Variants in CERS6 observed in about 807,000 individuals in gnomAD.
CERS6 encodes LAG1 homolog, ceramide synthase 6.
CERS6 carries 26 observed loss-of-function variants against 56.8 expected under a neutral mutation model. The observed-to-expected ratio is 0.46, with a 90% CI of 0.34 to 0.63. The LOEUF (loss-of-function observed/expected upper bound fraction) is 0.63, where lower values mean the gene tolerates loss of function less well. CERS6 is among the 30% of genes least tolerant of loss of function. The pLI, the probability that CERS6 is intolerant of heterozygous loss-of-function variation, is 0.01. For synonymous variants in CERS6, 164 were observed against 173.3 expected, an observed-to-expected ratio of 0.95 and a Z score of 0.42; for missense variants, 415 against 467.5, an observed-to-expected ratio of 0.89 and a Z score of 1.04.
rs183627804 is a variant in CERS6, at chr2:168,590,452, C to G, written c.407+29130C>G. On this transcript the variant is annotated intron_variant, in intron 3 of 9. Coordinates refer to ENST00000305747, the MANE Select transcript of CERS6 (RefSeq NM_203463.3). ...TTATAAATATACATTGTGGGTAATT[C>G]TAGTGTATGTCAGGGACATGATATT... Among the ~76,000 whole-genome samples, 21 of 152,196 alleles carry G rather than the reference C, an allele frequency of 1.4e-4. No homozygotes were observed. In the East Asian group the frequency reaches 3.9e-3, roughly 28 times the overall value.
At chr2:168,733,711 A>G (rs4668101) in intron 8 of CERS6, among the ~76,000 whole-genome samples, 141,802 of 152,264 alleles carry the variant, frequency 0.93, 66,108 homozygotes, top group East Asian at 0.99. Context: ...TTTTCCAGTC[A>G]TAACAAAAGC....
intron 9 of CERS6, chr2:168,766,406 C>T: frequency 7.1e-7 from 1 of 1,413,826 alleles, no homozygotes; most frequent in South Asian, 1.1e-5. Flanking sequence ...GTTGGAGGGG[C>T]ACTCAGATGC....
chr2:168,504,392 A>T (rs1574028749), intron 1 of CERS6, among the ~76,000 whole-genome samples: 1 of 152,110 alleles, frequency 6.6e-6, no homozygotes, highest in South Asian at 2.1e-4. Context: ...AAAGGAAATC[A>T]TCAATGCATT....
chr2:168,476,217 T>G (rs1694066205), intron 1 of CERS6, among the ~76,000 whole-genome samples: 1 of 152,088 alleles, frequency 6.6e-6, no homozygotes, highest in East Asian at 1.9e-4. Flanking sequence ...TCCTCTTTTT[T>G]TTTTTTAATC....
Position 168,456,575 on chromosome 2 carries a change from C to T in CERS6, c.127C>T (p.Pro43Ser), listed in dbSNP as rs765808917. 6.2e-7 allele frequency: 1 copy of T among 1,614,014 alleles called. No homozygotes were observed. Among genetic ancestry groups the T allele is most frequent in the Non-Finnish European group, 8.5e-7 (1 of 1,179,914 alleles). The change falls in exon 1 of 10, where the codon CCC becomes TCC. Residue 43 changes from proline (P) to serine (S), a missense_variant. Transcript: ENST00000305747. The surrounding 1 kb of genome is among the most constrained non-coding windows in gnomAD (Gnocchi z 4.1). ...GGCTGAGGACCTCTATCTCGCTTTT[C>T]CCCTGGCCTTCTGTATCTTCATGGT... ...PQAEDLYLAF[P>S]LAFCIFMVRL...
intron 1 of CERS6, among the ~76,000 whole-genome samples, chr2:168,524,254 G>A (rs750838321): frequency 2.6e-5 from 4 of 152,168 alleles, no homozygotes; most frequent in Non-Finnish European, 4.4e-5. Context: ...AATGAACTGT[G>A]GTAGGCTTAG....
At chr2:168,508,490 T>G (rs985386472) in intron 1 of CERS6, among the ~76,000 whole-genome samples, 4 of 152,178 alleles carry the variant, frequency 2.6e-5, no homozygotes, top group African/African-American at 9.7e-5. Context: ...CATCCTTTAT[T>G]AAGCACCTTC....
intron 8 of CERS6, among the ~76,000 whole-genome samples, chr2:168,744,678 A>G (rs920753641): frequency 6.6e-6 from 1 of 152,236 alleles, no homozygotes; most frequent in African/African-American, 2.4e-5. Flanking sequence ...AATTTAAAAC[A>G]TTGAATTTTG....
chr2:168,711,749 A>G (rs1361318943), intron 6 of CERS6, among the ~76,000 whole-genome samples: 1 of 150,840 alleles, frequency 6.6e-6, no homozygotes, highest in African/African-American at 2.4e-5. Flanking sequence ...AAAAAAAAAA[A>G]GTATAGTTAG....
chr2:168,495,412 G>C (rs1191704004), intron 1 of CERS6, among the ~76,000 whole-genome samples: 1 of 152,214 alleles, frequency 6.6e-6, no homozygotes. Flanking sequence ...GGTCGGAGTT[G>C]TAAAAATGCA....
chr2:168,456,629 C>T lies in CERS6; in HGVS notation c.170+11C>T. 1 of 1,612,230 alleles carries T rather than the reference C, an allele frequency of 6.2e-7. No individual in the cohort carries two copies. Among genetic ancestry groups the T allele is most frequent in the South Asian group, 1.1e-5 (1 of 90,974 alleles). On this transcript the variant is annotated intron_variant, in intron 1 of 9. Transcript: ENST00000305747. The surrounding 1 kb of genome is among the most constrained non-coding windows in gnomAD (Gnocchi z 4.1). The stretch of plus-strand genomic sequence containing the variant: ...GCTCATCTTCGAGAGGTAAGAAGGG[C>T]TGAAGCCCCTCCTCCCCTCCCCCTG...
chr2:168,664,509 A>G (rs949712720), intron 4 of CERS6, among the ~76,000 whole-genome samples: 20 of 152,198 alleles, frequency 1.3e-4, no homozygotes, highest in African/African-American at 4.8e-4. Context: ...GAATAAAAGA[A>G]TGGCTACTCC....
At chr2:168,496,260 A>G (rs1212076348) in intron 1 of CERS6, among the ~76,000 whole-genome samples, 1 of 152,112 alleles carries the variant, frequency 6.6e-6, no homozygotes, top group African/African-American at 2.4e-5. Context: ...TTGTATATAT[A>G]TCATTTGATA....
intron 1 of CERS6, among the ~76,000 whole-genome samples, chr2:168,511,135 A>G (rs1003138525): frequency 6.6e-6 from 1 of 152,184 alleles, no homozygotes; most frequent in Admixed American, 6.5e-5. Context: ...TTTTCTGCAT[A>G]TGCTACACAG....
intron 5 of CERS6, among the ~76,000 whole-genome samples, chr2:168,694,614 T>C (rs1422534320): frequency 2.0e-5 from 3 of 152,216 alleles, no homozygotes; most frequent in African/African-American, 7.2e-5. Flanking sequence ...TCCAGGGTTA[T>C]TCTTTGTCTG....
intron 7 of CERS6, among the ~76,000 whole-genome samples, chr2:168,716,047 A>T (rs1687219831): frequency 6.6e-6 from 1 of 152,086 alleles, no homozygotes; most frequent in African/African-American, 2.4e-5. Context: ...TTATTGCAAT[A>T]TAAGCAGAAT....
chr2:168,478,735 G>C (rs1694123843), intron 1 of CERS6, among the ~76,000 whole-genome samples: 1 of 152,110 alleles, frequency 6.6e-6, no homozygotes. Flanking sequence ...TCTCCACTTG[G>C]CTTAATCAGT....
chr2:168,659,927 C>T (rs1280328208), intron 4 of CERS6, among the ~76,000 whole-genome samples: 1 of 152,096 alleles, frequency 6.6e-6, no homozygotes, highest in Non-Finnish European at 1.5e-5. Context: ...GAGTGTTGCA[C>T]TATGATGCAA....
intron 2 of CERS6, among the ~76,000 whole-genome samples, chr2:168,555,714 A>G (rs2105377428): frequency 8.2e-6 from 1 of 122,138 alleles, no homozygotes; most frequent in Non-Finnish European, 1.6e-5. Flanking sequence ...AGGAAAGTAT[A>G]ATTGACTCTG....
Sources: allele counts gnomAD v4.1 joint callset (sites outside exome capture counted in the v4.1 genomes callset), GRCh38; gene constraint gnomAD v4.1.1; non-coding constraint Gnocchi (gnomAD v3.1); transcripts MANE v1.5; gene names NCBI Gene and HGNC (gene_info 2026-07-23, HGNC 2026-07-21).